The following ADGRL2 variants were observed in gnomAD, a reference collection of about 807,000 sequenced individuals.
ADGRL2 encodes calcium-independent alpha-latrotoxin receptor 2.
Under a neutral mutation model 157.4 loss-of-function variants are expected in ADGRL2, and 44 were observed. The observed-to-expected ratio is 0.28, with a 90% CI of 0.22 to 0.36. The LOEUF is 0.36. Ranked by LOEUF, ADGRL2 falls within the 10% of genes least tolerant of loss-of-function variation. The pLI, the probability that ADGRL2 is intolerant of heterozygous loss-of-function variation, is 1.00. For synonymous variants in ADGRL2, 585 were observed against 624.7 expected (o/e 0.94, Z 0.95); for missense variants, 1,510 against 1,768.9 (o/e 0.85, Z 2.63).
intron 2 of ADGRL2, among the ~76,000 whole-genome samples, chr1:81,878,939 G>A (rs951269462): frequency 6.6e-6 from 1 of 152,104 alleles, no homozygotes; most frequent in South Asian, 2.1e-4. Context: ...GTTTTAAAAC[G>A]TGTATACATT....
chr1:81,830,574 C>T (rs565804743), intron 1 of ADGRL2, among the ~76,000 whole-genome samples: 38 of 152,132 alleles, frequency 2.5e-4, no homozygotes, highest in Admixed American at 5.9e-4. Flanking sequence ...GTGGCCTCAT[C>T]TCTGCTCACT....
rs150658580 is a variant in ADGRL2 at position 81,985,326 on chromosome 1, A to C, written c.3479A>C (p.Asp1160Ala). Residue 1160 changes from aspartate (D) to alanine (A), a missense_variant, in exon 21 of 24, where the codon GAC becomes GCC. By Grantham distance (126) the Asp-to-Ala change is moderately radical (BLOSUM62 -2). Transcript: ENST00000686636. ...TCAGAATCTTCTTTTATCTCAGGTG[A>C]CATCAATAGCACTTCAACACTTAAT... Reference protein sequence around the residue: ...KQSESSFISGDINSTSTLNQG... With the variant: ...KQSESSFISGAINSTSTLNQG... The C allele has an allele frequency of 5.6e-6, 9 of 1,606,004 alleles. No homozygotes were observed. In the African/African-American group the frequency reaches 1.2e-4, roughly 22 times the overall value.
chr1:81,361,815 A>G (rs984067856), intron 1 of ADGRL2, among the ~76,000 whole-genome samples: 1 of 151,864 alleles, frequency 6.6e-6, no homozygotes, highest in Non-Finnish European at 1.5e-5. Flanking sequence ...AACAAGAGCA[A>G]TTTTTGATAT....
intron 3 of ADGRL2, among the ~76,000 whole-genome samples, chr1:81,664,107 T>C (rs12728701): frequency 0.2 from 29,767 of 152,114 alleles, 3,723 homozygotes; most frequent in South Asian, 0.33. Flanking sequence ...CTATTTCTTT[T>C]TAAATTTTTA....
rs548424667 is a variant in ADGRL2, at chr1:81,659,238, T to A, written c.-143+78258T>A. 8.6e-5 allele frequency among the ~76,000 whole-genome samples: 13 copies of A among 152,018 alleles called. No homozygotes were observed. The South Asian group carries it at 2.5e-3, about 29-fold the overall frequency. On this transcript the variant is annotated intron_variant, in intron 3 of 24. Coordinates refer to the ADGRL2 transcript ENST00000370721. ...CATCACGGCCGGCTGATTTTTTGTA[T>A]TTTTAGTAGAGACAGGTTTCACTAT...
intron 3 of ADGRL2, among the ~76,000 whole-genome samples, chr1:81,592,714 T>C (rs1002036005): frequency 6.6e-6 from 1 of 152,102 alleles, no homozygotes; most frequent in Non-Finnish European, 1.5e-5. Context: ...TGTGAGAGCT[T>C]GGTCCTACAG....
At chr1:81,965,033 G>C (rs1350901205) in intron 11 of ADGRL2, among the ~76,000 whole-genome samples, 1 of 152,104 alleles carries the variant, frequency 6.6e-6, no homozygotes, top group Non-Finnish European at 1.5e-5. Flanking sequence ...TATATTGTTA[G>C]TGGTTACTAT....
chr1:81,796,708 C>T (rs1202853005), upstream of ADGRL2, among the ~76,000 whole-genome samples: 23 of 152,024 alleles, frequency 1.5e-4, no homozygotes, highest in Admixed American at 1.4e-3. Flanking sequence ...CTAGTGGATG[C>T]TTTTTTTAAA....
rs151282364 is a variant in ADGRL2, at chr1:81,451,978, G to A, written c.-248+6889G>A. On this transcript the variant is annotated intron_variant, in intron 2 of 24. Coordinates refer to the ADGRL2 transcript ENST00000370721. ...ATAATGTAGTGTACAACTTCTGTGC[G>A]TTCTCTCTTCTCTCCATGGGTTCAC... Among the ~76,000 whole-genome samples, 164 of 152,148 alleles carry A rather than the reference G, an allele frequency of 1.1e-3. 1 individual carries two copies. Among genetic ancestry groups the A allele is most frequent in the East Asian group, 7.7e-4 (4 of 5,184 alleles).
intron 1 of ADGRL2, among the ~76,000 whole-genome samples, chr1:81,726,671 C>T (rs1312670128): frequency 6.6e-6 from 1 of 152,176 alleles, no homozygotes; most frequent in East Asian, 1.9e-4. Flanking sequence ...AAAAGTAGCA[C>T]ATGTTCACTA....
At chr1:81,767,242 G>A (rs979114299) in intron 2 of ADGRL2, among the ~76,000 whole-genome samples, 4 of 152,016 alleles carry the variant, frequency 2.6e-5, no homozygotes, top group Admixed American at 1.3e-4. Context: ...TAACATTAAT[G>A]CATATTTGGG....
At chr1:81,684,095 G>A (rs1428861959) in intron 3 of ADGRL2, among the ~76,000 whole-genome samples, 12 of 152,292 alleles carry the variant, frequency 7.9e-5, no homozygotes, top group African/African-American at 2.6e-4. Context: ...GATTACAGGC[G>A]TGAGCCACTG....
At chr1:81,642,939 G>GA (rs1418254176) in intron 3 of ADGRL2, among the ~76,000 whole-genome samples, 6 of 152,062 alleles carry the variant, frequency 3.9e-5, no homozygotes, top group Non-Finnish European at 7.3e-5. Flanking sequence ...TTAATTTGAT[G>GA]AAAAATACGA....
At chr1:81,438,512 A>C (rs2077450853) in intron 1 of ADGRL2, among the ~76,000 whole-genome samples, 1 of 152,170 alleles carries the variant, frequency 6.6e-6, no homozygotes, top group Admixed American at 6.5e-5. Flanking sequence ...CCGAGTCTGC[A>C]TTCTGTGACT....
At chr1:81,568,673 G>A (rs1367401206) in intron 2 of ADGRL2, among the ~76,000 whole-genome samples, 1 of 152,022 alleles carries the variant, frequency 6.6e-6, no homozygotes, top group Non-Finnish European at 1.5e-5. Flanking sequence ...GATTAAAGAA[G>A]GGTTAGATAA....
intron 1 of ADGRL2, among the ~76,000 whole-genome samples, chr1:81,351,427 C>G (rs992167166): frequency 6.6e-6 from 1 of 151,936 alleles, no homozygotes; most frequent in Admixed American, 6.6e-5. Context: ...ATAAGTCAAT[C>G]CAATTTGATT....
At chr1:81,772,391 T>A (rs1286046738) in intron 2 of ADGRL2, among the ~76,000 whole-genome samples, 2 of 151,994 alleles carry the variant, frequency 1.3e-5, no homozygotes, top group Admixed American at 1.3e-4. Context: ...ACATGGATTC[T>A]AATTATGACA....
intron 2 of ADGRL2, among the ~76,000 whole-genome samples, chr1:81,516,908 C>T (rs528655914): frequency 1.3e-4 from 19 of 151,984 alleles, no homozygotes; most frequent in Non-Finnish European, 2.5e-4. Flanking sequence ...CATGCCATCT[C>T]GGTGGCGCAG....
In ADGRL2 at chr1:81,420,319, G is replaced by T. The variant is rs147523638; in HGVS notation, c.-301-24717G>T. 5.6e-3 allele frequency among the ~76,000 whole-genome samples: 856 copies of T among 152,178 alleles called. 6 individuals are homozygous for T. Among genetic ancestry groups the T allele is most frequent in the African/African-American group, 0.02 (824 of 41,528 alleles). On this transcript the variant is annotated intron_variant, in intron 1 of 24. Coordinates refer to the ADGRL2 transcript ENST00000370721. ...CTTTTACACTTTAGTTTTCTGAAAG[G>T]CTTGTTTTTGTTTTAAGTAGTTCAT...
Sources: gnomAD v4.1 joint callset for allele counts (sites outside exome capture counted in the v4.1 genomes callset) on GRCh38, gnomAD v4.1.1 for gene constraint, MANE v1.5 for transcripts, NCBI Gene and HGNC (gene_info 2026-07-23, HGNC 2026-07-21) for gene names.